RALYL: variants seen among roughly 807,000 people sequenced by gnomAD.
RALYL encodes RNA-binding Raly-like protein.
Under a neutral mutation model 35.1 loss-of-function variants are expected in RALYL, and 29 were observed. That is an observed-to-expected ratio of 0.83 (90% CI 0.61 to 1.13). The LOEUF is 1.13. Ranked by LOEUF, RALYL falls within the 50% of genes most tolerant of loss-of-function variation. The probability of loss-of-function intolerance (pLI) is 0.00; values close to 1 mark genes in which losing one functional copy is unlikely to be tolerated. For missense variants in RALYL, 359 were observed against 360.4 expected, an observed-to-expected ratio of 1.00 and a Z score of 0.03; for synonymous variants, 120 against 127.6, an observed-to-expected ratio of 0.94 and a Z score of 0.40.
At chr8:84,808,252 A>G (rs1825118612) in intron 4 of RALYL, among the ~76,000 whole-genome samples, 2 of 152,144 alleles carry the variant, frequency 1.3e-5, no homozygotes, top group Admixed American at 6.5e-5. Flanking sequence ...CTATTTGTTG[A>G]ATAGGGTGTC....
At chr8:84,845,076 A>G (rs1834330857) in intron 4 of RALYL, among the ~76,000 whole-genome samples, 1 of 152,192 alleles carries the variant, frequency 6.6e-6, no homozygotes, top group South Asian at 2.1e-4. Flanking sequence ...TATGTAACTA[A>G]CCTGCACGTT....
At chr8:84,805,361 T>C (rs530150444) in intron 4 of RALYL, among the ~76,000 whole-genome samples, 1 of 152,304 alleles carries the variant, frequency 6.6e-6, no homozygotes, top group East Asian at 1.9e-4. Context: ...GCTCTGATGG[T>C]ATCCTTCTTA....
At chr8:84,470,001 C>T (rs549462706) in intron 1 of RALYL, among the ~76,000 whole-genome samples, 30 of 152,238 alleles carry the variant, frequency 2.0e-4, no homozygotes, top group Middle Eastern at 3.4e-3. Flanking sequence ...CTTCGGCTCG[C>T]GCACGGTGCG....
Position 84,479,085 on chromosome 8 carries a change from C to CAAAAAAAAA in RALYL, c.-23-50184_-23-50176dup, listed in dbSNP as rs56799862. On this transcript the variant is annotated intron_variant, in intron 1 of 8. Coordinates refer to ENST00000521268, the MANE Select transcript of RALYL (RefSeq NM_173848.7). Reference sequence around the variant, plus strand: ...TAGGTGACAGAGCAAGACTCCGTCTCAAAAAAAAAAAAAAAAAAAAAAAAA... The same window carrying CAAAAAAAAA: ...TAGGTGACAGAGCAAGACTCCGTCTCAAAAAAAAAAAAAAAAAAAAAAAAAAAAAAAAAA... Among the ~76,000 whole-genome samples the CAAAAAAAAA allele has an allele frequency of 3.7e-4, 8 of 21,828 alleles. 1 individual carries two copies. Among genetic ancestry groups the CAAAAAAAAA allele is most frequent in the African/African-American group, 5.2e-4 (5 of 9,586 alleles). 14.3% of individuals were successfully genotyped at this position (21,828 alleles called of 152,430 possible).
At chr8:84,446,420 G>A (rs2048865039) in intron 1 of RALYL, among the ~76,000 whole-genome samples, 1 of 152,024 alleles carries the variant, frequency 6.6e-6, no homozygotes, top group South Asian at 2.1e-4. Context: ...TATATTCATG[G>A]ATCTAGCTCT....
intron 4 of RALYL, among the ~76,000 whole-genome samples, chr8:84,844,628 C>T (rs2134673094): frequency 6.6e-6 from 1 of 152,212 alleles, no homozygotes; most frequent in South Asian, 2.1e-4. Context: ...GGTATATACC[C>T]AAAGGACTAT....
At chr8:84,668,014 T>C (rs777233465) in intron 2 of RALYL, among the ~76,000 whole-genome samples, 9 of 152,120 alleles carry the variant, frequency 5.9e-5, no homozygotes, top group Non-Finnish European at 1.3e-4. Context: ...TCTTTTTCCT[T>C]ACTATTTTTA....
rs185928936 is a variant in RALYL at position 84,842,705 on chromosome 8, T to C, written c.366-7275T>C. Among the ~76,000 whole-genome samples the C allele has an allele frequency of 6.3e-3, 958 of 152,246 alleles. 9 individuals are homozygous for C. The highest frequency in any genetic ancestry group is 0.022 in the African/African-American group (904 of 41,558). On this transcript the variant is annotated intron_variant, in intron 4 of 8. Coordinates refer to ENST00000521268, the MANE Select transcript of RALYL (RefSeq NM_173848.7). Reference sequence around the variant, plus strand: ...GACCAATATCCTTGATGAACATCAATGCAAAAATCCTCAGTAAAATACTGA... The same window carrying C: ...GACCAATATCCTTGATGAACATCAACGCAAAAATCCTCAGTAAAATACTGA...
intron 2 of RALYL, among the ~76,000 whole-genome samples, chr8:84,551,056 T>C (rs2060685949): frequency 6.6e-6 from 1 of 152,034 alleles, no homozygotes; most frequent in Admixed American, 6.6e-5. Flanking sequence ...CAGAAAAGAA[T>C]ATGGCAGGTT....
At chr8:84,850,525 TTGTCTCA>T (rs1306025725) in intron 5 of RALYL, among the ~76,000 whole-genome samples, 7 of 152,204 alleles carry the variant, frequency 4.6e-5, no homozygotes, top group Non-Finnish European at 8.8e-5. Flanking sequence ...AAAAACAGGA[TTGTCTCA>T]TGATCTTAAA....
intron 2 of RALYL, among the ~76,000 whole-genome samples, chr8:84,571,413 T>C (rs1807953880): frequency 6.6e-6 from 1 of 151,882 alleles, no homozygotes; most frequent in South Asian, 2.1e-4. Flanking sequence ...GGGGTGTTCA[T>C]AGTAGTCTCT....
intron 2 of RALYL, among the ~76,000 whole-genome samples, chr8:84,610,491 G>A (rs1043813140): frequency 1.3e-5 from 2 of 152,044 alleles, no homozygotes; most frequent in African/African-American, 2.4e-5. Context: ...ATAACTGTTG[G>A]TGCTGATCTG....
intron 1 of RALYL, among the ~76,000 whole-genome samples, chr8:84,208,713 T>C (rs1451614625): frequency 6.6e-6 from 1 of 152,174 alleles, no homozygotes; most frequent in Non-Finnish European, 1.5e-5. Context: ...CCCTAATTAA[T>C]AAAATGATTG....
At chr8:84,391,518 G>T (rs1048327445) in intron 1 of RALYL, among the ~76,000 whole-genome samples, 3 of 151,926 alleles carry the variant, frequency 2.0e-5, no homozygotes, top group Admixed American at 6.6e-5. Flanking sequence ...CTCCTTTTCA[G>T]TTCATTGTAC....
chr8:84,462,053 T>C (rs187043809), intron 1 of RALYL, among the ~76,000 whole-genome samples: 31 of 151,920 alleles, frequency 2.0e-4, no homozygotes, highest in Admixed American at 1.2e-3. Flanking sequence ...TTTGTATTTC[T>C]ACCAGCAATG....
chr8:84,731,671 A>G (rs1422624493), intron 2 of RALYL, among the ~76,000 whole-genome samples: 2 of 152,096 alleles, frequency 1.3e-5, no homozygotes, highest in East Asian at 1.9e-4. Flanking sequence ...TTCCTGCTAC[A>G]GTTTGTTTTG....
Position 84,700,356 on chromosome 8 carries a change from A to C in RALYL, c.257-74223A>C, listed in dbSNP as rs75668870. 3.7e-3 allele frequency among the ~76,000 whole-genome samples: 570 copies of C among 152,240 alleles called. 8 individuals are homozygous for C. In the East Asian group the frequency reaches 0.047, roughly 13 times the overall value. ...AATTGTAAAGATTTCTTTGACATTA[A>C]TGCATAGGAAACTGGACAAAGTCCA... On this transcript the variant is annotated intron_variant, in intron 2 of 8. Transcript: ENST00000521268.
chr8:84,419,653 G>T (rs1039896774), intron 1 of RALYL, among the ~76,000 whole-genome samples: 1 of 148,650 alleles, frequency 6.7e-6, no homozygotes, highest in African/African-American at 2.5e-5. Context: ...CCACTAACTC[G>T]TCATCTAGCA....
chr8:84,714,862 G>T lies in RALYL; in HGVS notation c.257-59717G>T, dbSNP rs79228810. Among the ~76,000 whole-genome samples the T allele has an allele frequency of 1.1e-3, 166 of 151,992 alleles. 1 individual carries two copies. The East Asian group carries it at 0.03, about 27-fold the overall frequency. On this transcript the variant is annotated intron_variant, in intron 2 of 8. Coordinates refer to ENST00000521268, the MANE Select transcript of RALYL (RefSeq NM_173848.7). Reference sequence around the variant, plus strand: ...AAGTTGGCATTAAAAGCATAGGGCTGTTACAGTTAACCAAGTGTGATTATG... The same window carrying T: ...AAGTTGGCATTAAAAGCATAGGGCTTTTACAGTTAACCAAGTGTGATTATG...
Sources: gnomAD v4.1 joint callset for allele counts (sites outside exome capture counted in the v4.1 genomes callset) on GRCh38, gnomAD v4.1.1 for gene constraint, MANE v1.5 for transcripts, NCBI Gene and HGNC (gene_info 2026-07-23, HGNC 2026-07-21) for gene names.